Variants in SSPN observed in about 807,000 individuals in gnomAD.
SSPN encodes K-ras oncogene-associated protein.
A neutral mutation model predicts 19.1 loss-of-function variants in SSPN; 15 were observed. The observed-to-expected ratio is 0.78, with a 90% CI of 0.52 to 1.21. The LOEUF (loss-of-function observed/expected upper bound fraction) is 1.21. Among genes scored for constraint, SSPN ranks in the 50% most tolerant of loss-of-function variants. SSPN has a pLI of 0.00. For missense variants in SSPN, 291 were observed against 314.0 expected (o/e 0.93, Z 0.55); for synonymous variants, 147 against 140.3 (o/e 1.05, Z -0.34).
intron 1 of SSPN, among the ~76,000 whole-genome samples, chr12:26,211,863 A>T (rs1462751635): frequency 6.6e-6 from 1 of 152,198 alleles, no homozygotes; most frequent in East Asian, 1.9e-4. Flanking sequence ...AATTCTAGTT[A>T]TCAAGTAGTT....
intron 1 of SSPN, among the ~76,000 whole-genome samples, chr12:26,143,430 G>A (rs963476707): frequency 1.3e-5 from 2 of 152,166 alleles, no homozygotes; most frequent in African/African-American, 4.8e-5. Flanking sequence ...ACAGATGGAA[G>A]ATAGGAATCT....
At chr12:26,230,189 C>T (rs1945215286) in intron 2 of SSPN, among the ~76,000 whole-genome samples, 1 of 152,200 alleles carries the variant, frequency 6.6e-6, no homozygotes, top group South Asian at 2.1e-4. Flanking sequence ...TTTATGGATA[C>T]AGTTTGGCAA....
At chr12:26,198,731 C>G (rs1944852373) in intron 1 of SSPN, among the ~76,000 whole-genome samples, 2 of 152,170 alleles carry the variant, frequency 1.3e-5, no homozygotes, top group African/African-American at 2.4e-5. Context: ...CTTTAGCAAT[C>G]ACAGTGGTAT....
chr12:26,145,926 A>AT (rs1944487671), intron 1 of SSPN, among the ~76,000 whole-genome samples: 1 of 152,156 alleles, frequency 6.6e-6, no homozygotes, highest in South Asian at 2.1e-4. Context: ...CCATGTACAC[A>AT]TGTTCACCCA....
At chr12:26,186,363 T>C (rs933278499) in intron 1 of SSPN, among the ~76,000 whole-genome samples, 2 of 152,232 alleles carry the variant, frequency 1.3e-5, no homozygotes, top group African/African-American at 4.8e-5. Flanking sequence ...ATTAAATAGT[T>C]GAGCATGACA....
intron 1 of SSPN, among the ~76,000 whole-genome samples, chr12:26,202,046 G>T (rs1182848242): frequency 2.6e-5 from 4 of 152,188 alleles, no homozygotes; most frequent in Middle Eastern, 3.4e-3. Context: ...TGTAGTATTT[G>T]CATATAATTT....
rs1242719327 is a variant in SSPN at position 26,231,107 on chromosome 12, G to A, written c.*31G>A. The A allele has an allele frequency of 3.1e-6, 5 of 1,590,108 alleles. No individual in the cohort carries two copies. Among genetic ancestry groups the A allele is most frequent in the Non-Finnish European group, 4.3e-6 (5 of 1,166,348 alleles). On this transcript the variant is annotated 3_prime_UTR_variant, in exon 3 of 3. Coordinates refer to ENST00000242729, the MANE Select transcript of SSPN (RefSeq NM_005086.5). The stretch of plus-strand genomic sequence containing the variant: ...TTGCTCAAAGTTGCGAGAGAAAGTA[G>A]CACATGGAGTAGCTGAGGTTAAACA...
chr12:26,208,527 G>T (rs1412116946), intron 1 of SSPN, among the ~76,000 whole-genome samples: 2 of 151,534 alleles, frequency 1.3e-5, no homozygotes, highest in African/African-American at 4.8e-5. Flanking sequence ...TTTCTGGTTG[G>T]TATCATATCT....
intron 1 of SSPN, among the ~76,000 whole-genome samples, chr12:26,203,940 C>T (rs1944908120): frequency 6.6e-6 from 1 of 152,130 alleles, no homozygotes; most frequent in African/African-American, 2.4e-5. Flanking sequence ...CTCATGAATC[C>T]TCCAGTCCTG....
intron 1 of SSPN, among the ~76,000 whole-genome samples, chr12:26,167,079 G>A (rs867386296): frequency 9.2e-5 from 14 of 152,312 alleles, no homozygotes; most frequent in African/African-American, 3.4e-4. Flanking sequence ...GTTAATTAAA[G>A]TGGAAAAATA....
intron 1 of SSPN, among the ~76,000 whole-genome samples, chr12:26,138,030 C>T (rs879279676): frequency 2.0e-4 from 30 of 152,056 alleles, no homozygotes; most frequent in Non-Finnish European, 3.5e-4. Flanking sequence ...GGACCTCCCC[C>T]GACCCCATGA....
intron 1 of SSPN, among the ~76,000 whole-genome samples, chr12:26,174,768 A>G (rs916403544): frequency 6.6e-5 from 10 of 151,914 alleles, no homozygotes; most frequent in Admixed American, 2.0e-4. Context: ...TGGTCCACCC[A>G]CCTCGACCTC....
chr12:26,148,431 C>G (rs999567231), intron 1 of SSPN, among the ~76,000 whole-genome samples: 1 of 152,184 alleles, frequency 6.6e-6, no homozygotes, highest in Non-Finnish European at 1.5e-5. Flanking sequence ...TGCTTTAGAA[C>G]TGAATTTTTG....
intron 1 of SSPN, among the ~76,000 whole-genome samples, chr12:26,132,751 C>T (rs1267857777): frequency 6.6e-6 from 1 of 152,230 alleles, no homozygotes; most frequent in Non-Finnish European, 1.5e-5. Flanking sequence ...GGGATTCTCC[C>T]ACCTCCCTTG....
intron 2 of SSPN, among the ~76,000 whole-genome samples, chr12:26,228,434 A>G (rs1945199034): frequency 1.3e-5 from 2 of 151,942 alleles, no homozygotes; most frequent in South Asian, 4.2e-4. Context: ...TAGGAAGGTT[A>G]TCACAAGACC....
At chr12:26,149,582 C>T (rs552389661) in intron 1 of SSPN, among the ~76,000 whole-genome samples, 292 of 152,256 alleles carry the variant, frequency 1.9e-3, no homozygotes, top group African/African-American at 6.9e-3. Flanking sequence ...TAATCATATC[C>T]AGCTTATAGA....
chr12:26,227,357 T>C (rs1207611666), intron 2 of SSPN, among the ~76,000 whole-genome samples: 1 of 152,030 alleles, frequency 6.6e-6, no homozygotes, highest in Non-Finnish European at 1.5e-5. Context: ...CTTTCCGGAG[T>C]GGGAGAAGCC....
At chr12:26,218,215 G>A (rs77106092) in intron 1 of SSPN, among the ~76,000 whole-genome samples, 30,465 of 129,582 alleles carry the variant, frequency 0.24, 3,822 homozygotes, top group East Asian at 0.5. Context: ...ACTATCGCAA[G>A]AACAAAAAAC....
intron 1 of SSPN, among the ~76,000 whole-genome samples, chr12:26,200,778 C>T (rs1326188423): frequency 2.0e-5 from 3 of 151,602 alleles, no homozygotes; most frequent in African/African-American, 7.3e-5. Flanking sequence ...CTTTAATATG[C>T]TTCCAAAATA....
Sources: gnomAD v4.1 joint callset for allele counts (sites outside exome capture counted in the v4.1 genomes callset) on GRCh38, gnomAD v4.1.1 for gene constraint, MANE v1.5 for transcripts, NCBI Gene and HGNC (gene_info 2026-07-23, HGNC 2026-07-21) for gene names.